CYP39A1: variants seen among roughly 807,000 people sequenced by gnomAD.
CYP39A1 encodes cytochrome P450 family 39 subfamily A member 1.
Under a neutral mutation model 58.1 loss-of-function variants are expected in CYP39A1, and 49 were observed. That is an observed-to-expected ratio of 0.84 (90% confidence interval 0.67 to 1.07). The LOEUF is 1.07. Among genes scored for constraint, CYP39A1 ranks in the 50% least tolerant of loss-of-function variants. The probability of loss-of-function intolerance (pLI) is 0.00; values close to 1 mark genes in which losing one functional copy is unlikely to be tolerated. For synonymous variants in CYP39A1, 209 were observed against 187.6 expected, an observed-to-expected ratio of 1.11 and a Z score of -0.93; for missense variants, 531 against 539.4, an observed-to-expected ratio of 0.98 and a Z score of 0.16.
Position 46,652,563 on chromosome 6 carries a change from G to T in CYP39A1, c.20C>A (p.Thr7Lys), listed in dbSNP as rs749888278. MELISP[T>K]VIIILGCLAL... is the part of the protein sequence containing the mutation. ...AAGGCAACCCAGGATTATAATCACT[G>T]TTGGGGAAATTAGTTCCATGTTTTT... The change falls in exon 1 of 12, where the codon ACA becomes AAA. Residue 7 changes from threonine (T) to lysine (K), a missense_variant. Thr to Lys is a moderately conservative substitution (Grantham distance 78, BLOSUM62 -1). Coordinates refer to ENST00000275016, the MANE Select transcript of CYP39A1 (RefSeq NM_016593.5). The T allele has an allele frequency of 1.2e-6, 2 of 1,605,848 alleles. No homozygotes were observed. Among genetic ancestry groups the T allele is most frequent in the Middle Eastern group, 1.7e-4 (1 of 6,002 alleles).
At chr6:46,552,219 T>C (rs1395410988) in intron 11 of CYP39A1, among the ~76,000 whole-genome samples, 1 of 152,182 alleles carries the variant, frequency 6.6e-6, no homozygotes, top group Non-Finnish European at 1.5e-5. Flanking sequence ...AGTTTAACCT[T>C]GAGCAAAATT....
chr6:46,555,838 G>C (rs1051923109), intron 10 of CYP39A1, among the ~76,000 whole-genome samples: 1 of 152,160 alleles, frequency 6.6e-6, no homozygotes, highest in Non-Finnish European at 1.5e-5. Flanking sequence ...GAGCACTCCA[G>C]GTGTGGCTAT....
intron 1 of CYP39A1, 152 bp downstream of exon 1, chr6:46,652,254 T>C: frequency 8.1e-6 from 6 of 743,294 alleles, no homozygotes; most frequent in Non-Finnish European, 1.2e-5. Flanking sequence ...TGTTAATTGT[T>C]AGTAGAGGAA....
intron 8 of CYP39A1, among the ~76,000 whole-genome samples, chr6:46,590,186 G>T (rs1772746232): frequency 6.6e-6 from 1 of 152,142 alleles, no homozygotes; most frequent in Admixed American, 6.5e-5. Context: ...CAAAACAGTT[G>T]CAGAATGAGA....
chr6:46,620,093 T>A (rs1009791559), intron 7 of CYP39A1, among the ~76,000 whole-genome samples: 9 of 152,150 alleles, frequency 5.9e-5, no homozygotes, highest in African/African-American at 2.2e-4. Flanking sequence ...AATTCAAGAA[T>A]GTCTATTCAA....
At chr6:46,621,521 T>C (rs1339310804) in intron 7 of CYP39A1, among the ~76,000 whole-genome samples, 3 of 152,112 alleles carry the variant, frequency 2.0e-5, no homozygotes. Context: ...ATGGATTGTG[T>C]GGAACACTAT....
intron 11 of CYP39A1, among the ~76,000 whole-genome samples, chr6:46,552,833 C>A (rs1770475108): frequency 1.3e-5 from 2 of 151,998 alleles, no homozygotes; most frequent in Admixed American, 1.3e-4. Context: ...GCCTGTAATC[C>A]CAGCACTTTG....
intron 6 of CYP39A1, among the ~76,000 whole-genome samples, chr6:46,630,124 C>CAAAA (rs1300199570): frequency 1.4e-5 from 2 of 146,714 alleles, no homozygotes; most frequent in African/African-American, 5.5e-5. Flanking sequence ...AAAACAACAA[C>CAAAA]AACAACAAAA....
At chr6:46,598,160 A>T (rs1773282892) in intron 7 of CYP39A1, among the ~76,000 whole-genome samples, 1 of 152,146 alleles carries the variant, frequency 6.6e-6, no homozygotes, top group Non-Finnish European at 1.5e-5. Flanking sequence ...GTTATTGGTG[A>T]TTCACTGGAC....
chr6:46,589,280 T>C (rs1219388073), intron 8 of CYP39A1, among the ~76,000 whole-genome samples: 1 of 151,864 alleles, frequency 6.6e-6, no homozygotes, highest in Non-Finnish European at 1.5e-5. Context: ...TAGGAAGACC[T>C]TGTCTCTACA....
intron 7 of CYP39A1, among the ~76,000 whole-genome samples, chr6:46,622,780 C>T (rs1208457995): frequency 6.6e-6 from 1 of 152,050 alleles, no homozygotes; most frequent in Non-Finnish European, 1.5e-5. Flanking sequence ...AAAAGCACCA[C>T]CCAAAATAAT....
intron 10 of CYP39A1, among the ~76,000 whole-genome samples, chr6:46,565,564 G>A (rs973384504): frequency 6.6e-6 from 1 of 152,152 alleles, no homozygotes; most frequent in Non-Finnish European, 1.5e-5. Flanking sequence ...AACGAATCTG[G>A]TGTAGACGTT....
rs775545494 is a variant in CYP39A1, at chr6:46,588,055, A to G, written c.1140T>C (p.Pro380=). Residue 380 remains proline (P), a synonymous_variant, in exon 9 of 12, where the codon CCT becomes CCC. Transcript: ENST00000275016. Reference sequence around the variant, plus strand: ...TTACAGGTTTGAACAATTCAGGCTCAGGAAAATACTTTGGATTTCTATGCA... The same window carrying G: ...TTACAGGTTTGAACAATTCAGGCTCGGGAAAATACTTTGGATTTCTATGCA... The part of the protein sequence containing the change: ...FWLHRNPKYF[P]EPELFKPERW... 5.1e-6 allele frequency: 8 copies of G among 1,583,786 alleles called. No individual in the cohort carries two copies. The East Asian group carries it at 9.3e-5, about 18-fold the overall frequency.
At chr6:46,563,442 T>A (rs1771088918) in intron 10 of CYP39A1, among the ~76,000 whole-genome samples, 1 of 152,184 alleles carries the variant, frequency 6.6e-6, no homozygotes, top group Non-Finnish European at 1.5e-5. Flanking sequence ...TAGAAACATG[T>A]TGAAAATTTT....
intron 8 of CYP39A1, among the ~76,000 whole-genome samples, chr6:46,595,314 T>G (rs141965424): frequency 6.6e-6 from 1 of 152,050 alleles, no homozygotes; most frequent in African/African-American, 2.4e-5. Context: ...TGGGTACATA[T>G]CTAAAGGAAA....
At chr6:46,649,418 T>C (rs1211661569) in intron 1 of CYP39A1, among the ~76,000 whole-genome samples, 2 of 152,254 alleles carry the variant, frequency 1.3e-5, no homozygotes, top group East Asian at 3.8e-4. Context: ...CAAAAGGAAG[T>C]GATTACACAA....
chr6:46,582,052 C>T (rs1311040704), intron 10 of CYP39A1, among the ~76,000 whole-genome samples: 2 of 152,170 alleles, frequency 1.3e-5, no homozygotes, highest in African/African-American at 4.8e-5. Flanking sequence ...ACCTTTCCCA[C>T]CCTCATTCCT....
intron 10 of CYP39A1, among the ~76,000 whole-genome samples, chr6:46,561,320 C>T (rs995385566): frequency 6.6e-6 from 1 of 152,082 alleles, no homozygotes; most frequent in South Asian, 2.1e-4. Context: ...TCCAACTTCT[C>T]TGAGTTCAGC....
chr6:46,596,150 T>C (rs993044494), intron 7 of CYP39A1, 30 bp from the exon 8 acceptor site: 1 of 1,562,914 alleles, frequency 6.4e-7, no homozygotes, highest in Non-Finnish European at 8.7e-7. Context: ...GAGAAATAAA[T>C]AGACTACAGA....
Sources: allele counts gnomAD v4.1 joint callset (sites outside exome capture counted in the v4.1 genomes callset), GRCh38; gene constraint gnomAD v4.1.1; transcripts MANE v1.5; gene names NCBI Gene and HGNC (gene_info 2026-07-23, HGNC 2026-07-21).